The following PTPRG variants were observed in gnomAD, a reference collection of about 807,000 sequenced individuals.
PTPRG encodes the protein protein tyrosine phosphatase receptor type G.
PTPRG carries 102 observed loss-of-function variants against 165.3 expected under a neutral mutation model. That is an observed-to-expected ratio of 0.62 (90% CI 0.53 to 0.73). PTPRG has a LOEUF of 0.73. Ranked by LOEUF, PTPRG falls within the 30% of genes least tolerant of loss-of-function variation. PTPRG has a pLI of 0.00. For synonymous variants in PTPRG, 675 were observed against 669.5 expected (o/e 1.01, Z -0.13); for missense variants, 1,866 against 1,861.4 (o/e 1.00, Z -0.05).
chr3:62,153,036 G>C (rs1310818950), intron 6 of PTPRG, among the ~76,000 whole-genome samples: 1 of 152,178 alleles, frequency 6.6e-6, no homozygotes, highest in East Asian at 1.9e-4. Context: ...TTTGAAAATT[G>C]TTCTCAGTTA....
Position 61,771,021 on chromosome 3 carries a change from A to G in PTPRG, c.190+22039A>G, listed in dbSNP as rs375462414. 12 of 152,256 alleles carry G rather than the reference A, an allele frequency of 7.9e-5. No individual in the cohort carries two copies. In the East Asian group the frequency reaches 1.4e-3, roughly 17 times the overall value. 9.4% of individuals were successfully genotyped at this position (152,256 alleles called of 1,614,324 possible). On this transcript the variant is annotated intron_variant, in intron 2 of 29. Coordinates refer to ENST00000474889, the MANE Select transcript of PTPRG (RefSeq NM_002841.4). ...CTTGTTTCCCTCCCAAGACAGCTACATCTCACCATTTGCCTTGGCCTCCTT... is the reference window on the plus strand; with the variant it reads ...CTTGTTTCCCTCCCAAGACAGCTACGTCTCACCATTTGCCTTGGCCTCCTT...
At chr3:61,741,216 G>T (rs1043079414) in intron 1 of PTPRG, among the ~76,000 whole-genome samples, 2 of 152,130 alleles carry the variant, frequency 1.3e-5, no homozygotes, top group Non-Finnish European at 2.9e-5. Flanking sequence ...TTTGTTTGTT[G>T]ATGTGCCATT....
chr3:62,103,076 T>A (rs1177598703), intron 5 of PTPRG, among the ~76,000 whole-genome samples: 2 of 152,212 alleles, frequency 1.3e-5, no homozygotes, highest in Non-Finnish European at 2.9e-5. Flanking sequence ...AAAAGAAGAT[T>A]TTTGAACCTA....
intron 2 of PTPRG, among the ~76,000 whole-genome samples, chr3:61,822,935 C>A (rs541999834): frequency 3.3e-5 from 5 of 152,158 alleles, no homozygotes; most frequent in Admixed American, 6.5e-5. Flanking sequence ...CTTGAAAACA[C>A]CTCCCTGTGT....
intron 6 of PTPRG, among the ~76,000 whole-genome samples, chr3:62,136,349 C>G (rs766407053): frequency 3.3e-5 from 5 of 152,132 alleles, no homozygotes; most frequent in Non-Finnish European, 7.4e-5. Flanking sequence ...GGAGGTGGCT[C>G]AAACCAAGTG....
At chr3:62,272,864 G>A (rs929165567) in intron 21 of PTPRG, 82 bp from the exon 22 acceptor site, 1 of 1,357,034 alleles carries the variant, frequency 7.4e-7, no homozygotes, top group Non-Finnish European at 9.8e-7. Flanking sequence ...AAATAAATGG[G>A]GTTTAGATTG....
chr3:61,900,458 C>T (rs2038468716), intron 2 of PTPRG, among the ~76,000 whole-genome samples: 1 of 152,190 alleles, frequency 6.6e-6, no homozygotes, highest in Admixed American at 6.5e-5. Context: ...TAAATGGACG[C>T]ACACCTGCAG....
At chr3:61,912,574 G>A (rs1480410037) in intron 2 of PTPRG, among the ~76,000 whole-genome samples, 1 of 152,186 alleles carries the variant, frequency 6.6e-6, no homozygotes, top group African/African-American at 2.4e-5. Context: ...TTTGTGCTCA[G>A]AAGACCGACA....
chr3:61,792,841 G>C (rs1339155982), intron 2 of PTPRG, among the ~76,000 whole-genome samples: 1 of 151,862 alleles, frequency 6.6e-6, no homozygotes, highest in Non-Finnish European at 1.5e-5. Flanking sequence ...CGATTCCCTT[G>C]CCTCAGCCTC....
intron 1 of PTPRG, among the ~76,000 whole-genome samples, chr3:61,579,833 G>A (rs189106600): frequency 6.6e-6 from 1 of 152,320 alleles, no homozygotes; most frequent in Non-Finnish European, 1.5e-5. Context: ...GGCCACTGTA[G>A]GGATACATGG....
intron 2 of PTPRG, among the ~76,000 whole-genome samples, chr3:61,768,138 C>T (rs924342240): frequency 6.6e-6 from 1 of 152,022 alleles, no homozygotes; most frequent in Non-Finnish European, 1.5e-5. Flanking sequence ...TTACTAGAAT[C>T]CATGTTTATG....
rs1699774793 is a variant in PTPRG, at chr3:61,562,242, C to T, written c.-46C>T. 2.6e-6 allele frequency: 4 copies of T among 1,560,418 alleles called. No individual in the cohort carries two copies. Among genetic ancestry groups the T allele is most frequent in the African/African-American group, 1.4e-5 (1 of 73,838 alleles). ...CGCACGGAGGCAAGAACTTATTCAA[C>T]AAGTTTACCTCCCTGCTTTCCTCTT... On this transcript the variant is annotated 5_prime_UTR_variant, in exon 1 of 30. Coordinates refer to ENST00000474889, the MANE Select transcript of PTPRG (RefSeq NM_002841.4).
At chr3:62,226,880 A>G (rs548628360) in intron 13 of PTPRG, among the ~76,000 whole-genome samples, 1 of 152,298 alleles carries the variant, frequency 6.6e-6, no homozygotes, top group East Asian at 1.9e-4. Flanking sequence ...CCATCTTTAG[A>G]TTTTCAGAAA....
intron 4 of PTPRG, among the ~76,000 whole-genome samples, chr3:62,075,299 A>C (rs1701346453): frequency 6.6e-6 from 1 of 152,208 alleles, no homozygotes; most frequent in African/African-American, 2.4e-5. Context: ...TGAGGGCCTG[A>C]GTTTTAAAAA....
At chr3:62,155,946 G>C (rs1171677400) in intron 6 of PTPRG, among the ~76,000 whole-genome samples, 2 of 152,194 alleles carry the variant, frequency 1.3e-5, no homozygotes, top group Non-Finnish European at 2.9e-5. Flanking sequence ...CAGGACTCCA[G>C]TAGTCTTATT....
In PTPRG at chr3:61,804,714, G is replaced by A. The variant is rs1415020542; in HGVS notation, c.190+55732G>A. 2.0e-5 allele frequency among the ~76,000 whole-genome samples: 3 copies of A among 150,088 alleles called. No individual in the cohort carries two copies. The East Asian group carries it at 5.8e-4, about 29-fold the overall frequency. ...AAAAAAATAAAATCTACCTTGATGT[G>A]TCAAAGAGATAAAGAAGATGTTATA... On this transcript the variant is annotated intron_variant, in intron 2 of 29. Coordinates refer to ENST00000474889, the MANE Select transcript of PTPRG (RefSeq NM_002841.4).
chr3:62,221,406 T>C (rs532242970), intron 13 of PTPRG, among the ~76,000 whole-genome samples: 1 of 152,202 alleles, frequency 6.6e-6, no homozygotes, highest in East Asian at 1.9e-4. Flanking sequence ...ATTAAATTAG[T>C]GTTAGGATGA....
At chr3:61,625,526 C>T (rs1057222551) in intron 1 of PTPRG, among the ~76,000 whole-genome samples, 6 of 152,070 alleles carry the variant, frequency 3.9e-5, no homozygotes, top group African/African-American at 9.7e-5. Context: ...GGACGCTCTT[C>T]GATTTGAGTA....
At chr3:61,771,798 C>T (rs562554372) in intron 2 of PTPRG, among the ~76,000 whole-genome samples, 1 of 152,180 alleles carries the variant, frequency 6.6e-6, no homozygotes, top group Admixed American at 6.5e-5. Flanking sequence ...CAGTGGCTCA[C>T]ACCTATAATC....
Sources: allele counts gnomAD v4.1 joint callset (sites outside exome capture counted in the v4.1 genomes callset), GRCh38; gene constraint gnomAD v4.1.1; transcripts MANE v1.5; gene names NCBI Gene and HGNC (gene_info 2026-07-23, HGNC 2026-07-21).